Variants in PCSK6 observed in about 807,000 individuals in gnomAD.
PCSK6 encodes the protein proprotein convertase subtilisin/kexin type 6.
Under a neutral mutation model 123.3 loss-of-function variants are expected in PCSK6, and 85 were observed. The observed-to-expected ratio is 0.69, with a 90% CI of 0.58 to 0.83. The LOEUF is 0.83. Among genes scored for constraint, PCSK6 ranks in the 40% least tolerant of loss-of-function variants. PCSK6 has a pLI of 0.00. For missense variants in PCSK6, 1,191 were observed against 1,282.3 expected, an observed-to-expected ratio of 0.93 and a Z score of 1.09; for synonymous variants, 508 against 516.0, an observed-to-expected ratio of 0.98 and a Z score of 0.21.
chr15:101,435,855 C>T (rs2056584253), intron 2 of PCSK6, among the ~76,000 whole-genome samples: 1 of 152,154 alleles, frequency 6.6e-6, no homozygotes, highest in Admixed American at 6.5e-5. Context: ...GCCCGCGTTC[C>T]AGTAAATGGC....
At chr15:101,321,873 T>G (rs1022940542) in intron 18 of PCSK6, among the ~76,000 whole-genome samples, 2 of 152,286 alleles carry the variant, frequency 1.3e-5, no homozygotes, top group African/African-American at 4.8e-5. Context: ...CAAAAAATTT[T>G]GAACAGAATG....
At chr15:101,360,764 C>T (rs1433486204) in intron 13 of PCSK6, among the ~76,000 whole-genome samples, 1 of 152,194 alleles carries the variant, frequency 6.6e-6, no homozygotes, top group Non-Finnish European at 1.5e-5. Flanking sequence ...ATGCCCTTTT[C>T]CCAGATGTCT....
intron 13 of PCSK6, among the ~76,000 whole-genome samples, chr15:101,357,923 A>C (rs990718366): frequency 2.0e-4 from 30 of 152,208 alleles, no homozygotes; most frequent in Non-Finnish European, 1.5e-5. Context: ...GCATCCTCCC[A>C]GAGGCAGCAG....
At chr15:101,348,847 C>T (rs955429258) in intron 13 of PCSK6, among the ~76,000 whole-genome samples, 2 of 152,164 alleles carry the variant, frequency 1.3e-5, no homozygotes, top group African/African-American at 4.8e-5. Flanking sequence ...AAACACCACC[C>T]TGAGGTCCAA....
chr15:101,322,673 G>T, intron 17 of PCSK6, 66 bp from the exon 18 acceptor site: 2 of 1,010,820 alleles, frequency 2.0e-6, no homozygotes, highest in Non-Finnish European at 3.1e-6. Flanking sequence ...ATCTGGGCAA[G>T]CAGGCCCCCG....
chr15:101,317,534 A>G (rs2040018897), intron 19 of PCSK6, among the ~76,000 whole-genome samples: 1 of 152,240 alleles, frequency 6.6e-6, no homozygotes, highest in Non-Finnish European at 1.5e-5. Context: ...AATGTTCAAA[A>G]TAAGTGAAGA....
chr15:101,459,548 TTCCCGTC>T (rs2141201304), intron 1 of PCSK6, among the ~76,000 whole-genome samples: 1 of 127,776 alleles, frequency 7.8e-6, no homozygotes, highest in Admixed American at 8.5e-5. Context: ...GCTGCCACCA[TTCCCGTC>T]CCCCCCACCA....
At chr15:101,336,523 G>T (rs778121902) in intron 13 of PCSK6, among the ~76,000 whole-genome samples, 1 of 152,148 alleles carries the variant, frequency 6.6e-6, no homozygotes, top group Non-Finnish European at 1.5e-5. Flanking sequence ...GGTTAACGTC[G>T]CATTTCTCTC....
intron 6 of PCSK6, among the ~76,000 whole-genome samples, chr15:101,406,230 A>G (rs61068065): frequency 7.2e-6 from 1 of 138,244 alleles, no homozygotes; most frequent in Non-Finnish European, 1.6e-5. Flanking sequence ...ACACACACAC[A>G]CGCACACATG....
intron 6 of PCSK6, among the ~76,000 whole-genome samples, chr15:101,411,269 G>C (rs2055673920): frequency 6.6e-6 from 1 of 152,170 alleles, no homozygotes; most frequent in East Asian, 1.9e-4. Flanking sequence ...ACAGGCCTCG[G>C]AGTAAGGAGC....
intron 15 of PCSK6, among the ~76,000 whole-genome samples, chr15:101,329,139 C>T (rs2040321905): frequency 6.6e-6 from 1 of 152,170 alleles, no homozygotes; most frequent in African/African-American, 2.4e-5. Flanking sequence ...GCCTGGCTAG[C>T]GGCTGATGCC....
chr15:101,370,184 A>C (rs2041533553), intron 12 of PCSK6, 151 bp downstream of exon 12: 7 of 579,808 alleles, frequency 1.2e-5, no homozygotes, highest in Non-Finnish European at 1.9e-5. Flanking sequence ...AAGGGTCTCC[A>C]AGAGAAAGGA....
At chr15:101,446,710 C>G (rs1295738709) in intron 1 of PCSK6, among the ~76,000 whole-genome samples, 1 of 152,188 alleles carries the variant, frequency 6.6e-6, no homozygotes, top group African/African-American at 2.4e-5. Flanking sequence ...CTGAGAGTAT[C>G]AGGGGAGTTC....
intron 20 of PCSK6, among the ~76,000 whole-genome samples, chr15:101,311,082 C>T (rs1295892212): frequency 6.6e-6 from 1 of 151,784 alleles, no homozygotes; most frequent in Non-Finnish European, 1.5e-5. Flanking sequence ...CATGTGAGAG[C>T]TGCTTGTTTA....
intron 11 of PCSK6, among the ~76,000 whole-genome samples, chr15:101,376,394 C>G (rs1395321944): frequency 6.6e-6 from 1 of 152,186 alleles, no homozygotes; most frequent in African/African-American, 2.4e-5. Context: ...AAGCTTGGTT[C>G]CAGCAACGAG....
intron 1 of PCSK6, among the ~76,000 whole-genome samples, chr15:101,489,074 C>T (rs1341685224): frequency 1.9e-4 from 29 of 149,428 alleles, no homozygotes; most frequent in Non-Finnish European, 3.0e-4. Flanking sequence ...TGAGGCCACA[C>T]TTCCGAGCGC....
In PCSK6 at chr15:101,458,385, G is replaced by A. The variant is rs181148745; in HGVS notation, c.298-14725C>T. ...GAGCTGAGGCATAAACCCAAATGCC[G>A]TAGAGACCCGAGCTGGGCAATGTGG... On this transcript the variant is annotated intron_variant, in intron 1 of 21. Coordinates refer to ENST00000611716, the MANE Select transcript of PCSK6 (RefSeq NM_002570.5). Among the ~76,000 whole-genome samples, 19 of 152,232 alleles carry A rather than the reference G, an allele frequency of 1.2e-4. No homozygotes were observed. The East Asian group carries it at 3.1e-3, about 25-fold the overall frequency.
chr15:101,419,524 A>T lies in PCSK6; in HGVS notation c.823+8368T>A, dbSNP rs141920888. ...ATAATTTCCAAGCAATCCCAATCAA[A>T]ATCCCAACAGGGCTTTTTTTTTTTT... On this transcript the variant is annotated intron_variant, in intron 6 of 21. Transcript: ENST00000611716. Among the ~76,000 whole-genome samples, 1,274 of 140,488 alleles carry T rather than the reference A, an allele frequency of 9.1e-3. 12 individuals carry two copies. Among genetic ancestry groups the T allele is most frequent in the Non-Finnish European group, 0.014 (946 of 65,288 alleles). The allele number at this position is 140,488 out of a possible 152,430, so 92.2% of individuals were successfully genotyped here. A position where few individuals can be genotyped will look rare whatever the true frequency, so the allele number is the denominator to read the frequency against.
At position 101,370,496 on chromosome 15, in the gene PCSK6, C is replaced by A. The variant is rs1399575867; in HGVS notation, c.1560G>T (p.Arg520=). 9.1e-6 allele frequency: 14 copies of A among 1,531,140 alleles called. No individual in the cohort carries two copies. Among genetic ancestry groups the A allele is most frequent in the Non-Finnish European group, 1.2e-5 (14 of 1,135,386 alleles). 94.8% of individuals were successfully genotyped at this position (1,531,140 alleles called of 1,614,324 possible). A position where few individuals can be genotyped will look rare whatever the true frequency, so the allele number is the denominator to read the frequency against. The change falls in exon 12 of 22, where the codon CGG becomes CGT. Residue 520 remains arginine, a synonymous_variant. Coordinates refer to ENST00000611716, the MANE Select transcript of PCSK6 (RefSeq NM_002570.5). The part of the protein sequence containing the change: ...PRSIPLVQVL[R]TTALTSACAE... ...CGCAGGCGCTGGTCAGGGCCGTAGT[C>A]CGCAGCACCTGCACTAAGGGGATGC...
Sources: gnomAD v4.1 joint callset for allele counts (sites outside exome capture counted in the v4.1 genomes callset) on GRCh38, gnomAD v4.1.1 for gene constraint, MANE v1.5 for transcripts, NCBI Gene and HGNC (gene_info 2026-07-23, HGNC 2026-07-21) for gene names.